HMGB1: variants seen among roughly 807,000 people sequenced by gnomAD.
The protein encoded by HMGB1 is high mobility group protein B1.
For synonymous variants in HMGB1, 81 were observed against 84.0 expected (o/e 0.96, Z 0.19); for missense variants, 79 against 253.5 (o/e 0.31, Z 4.67).
At chr13:30,598,246 T>C (rs939295832) in intron 1 of HMGB1, among the ~76,000 whole-genome samples, 2 of 152,260 alleles carry the variant, frequency 1.3e-5, no homozygotes, top group East Asian at 3.8e-4. Flanking sequence ...AAATAATTAA[T>C]GTACTTTTCA....
At chr13:30,580,450 C>G (rs918824386) in intron 1 of HMGB1, among the ~76,000 whole-genome samples, 1 of 152,184 alleles carries the variant, frequency 6.6e-6, no homozygotes, top group African/African-American at 2.4e-5. Context: ...AGTTAGACAT[C>G]AGCTATGGCT....
At chr13:30,607,143 AATT>A (rs1320414209) in intron 1 of HMGB1, among the ~76,000 whole-genome samples, 9 of 152,118 alleles carry the variant, frequency 5.9e-5, no homozygotes, top group Admixed American at 1.3e-4. Context: ...ACCTTATCCT[AATT>A]ATTACCACTG....
At chr13:30,579,532 T>C (rs1870811496) in intron 1 of HMGB1, among the ~76,000 whole-genome samples, 1 of 152,240 alleles carries the variant, frequency 6.6e-6, no homozygotes, top group Non-Finnish European at 1.5e-5. Flanking sequence ...TTAAATGAGA[T>C]GTGAAAAGTA....
At chr13:30,533,549 G>C (rs1888544318) in intron 1 of HMGB1, among the ~76,000 whole-genome samples, 1 of 151,852 alleles carries the variant, frequency 6.6e-6, no homozygotes, top group Non-Finnish European at 1.5e-5. Context: ...ATTTTTAGTG[G>C]AGACGGGATT....
intron 1 of HMGB1, among the ~76,000 whole-genome samples, chr13:30,566,768 G>C (rs572474525): frequency 1.2e-4 from 18 of 152,192 alleles, no homozygotes; most frequent in Non-Finnish European, 2.1e-4. Context: ...TTTAGATCAT[G>C]TCATTTGCTT....
chr13:30,613,874 A>G (rs949615921), intron 1 of HMGB1, among the ~76,000 whole-genome samples: 1 of 152,138 alleles, frequency 6.6e-6, no homozygotes, highest in Non-Finnish European at 1.5e-5. Context: ...TCATTGCACA[A>G]TGCTCTTTAA....
chr13:30,610,688 T>C (rs1282582049), intron 1 of HMGB1, among the ~76,000 whole-genome samples: 1 of 151,602 alleles, frequency 6.6e-6, no homozygotes, highest in Non-Finnish European at 1.5e-5. Context: ...CTGAGATTAA[T>C]ATATGGCCAA....
At chr13:30,574,838 A>T (rs1008777891) in intron 1 of HMGB1, among the ~76,000 whole-genome samples, 1 of 152,238 alleles carries the variant, frequency 6.6e-6, no homozygotes, top group African/African-American at 2.4e-5. Context: ...CATGCTAACC[A>T]GACTTTTTAA....
intron 1 of HMGB1, among the ~76,000 whole-genome samples, chr13:30,503,205 G>A (rs1019815905): frequency 2.0e-5 from 3 of 151,974 alleles, no homozygotes; most frequent in East Asian, 1.9e-4. Context: ...TTAGCTAGGC[G>A]TGGTGCCACA....
At chr13:30,480,638 G>A (rs1887204691) in intron 1 of HMGB1, among the ~76,000 whole-genome samples, 2 of 152,122 alleles carry the variant, frequency 1.3e-5, no homozygotes, top group African/African-American at 4.8e-5. Context: ...CTCAGAGAAG[G>A]AGAGCCAGGC....
intron 1 of HMGB1, among the ~76,000 whole-genome samples, chr13:30,590,555 G>A (rs527569216): frequency 6.6e-6 from 1 of 152,312 alleles, no homozygotes; most frequent in South Asian, 2.1e-4. Context: ...TACTGCACAT[G>A]CAACTGTAAG....
chr13:30,461,606 A>G, intron 4 of HMGB1, 73 bp from the exon 5 acceptor site: 1 of 1,574,448 alleles, frequency 6.4e-7, no homozygotes, highest in Non-Finnish European at 8.6e-7. Flanking sequence ...ACATGGCAGA[A>G]CTTTATGAAA....
chr13:30,584,474 G>T (rs568493149), intron 1 of HMGB1, among the ~76,000 whole-genome samples: 1 of 152,300 alleles, frequency 6.6e-6, no homozygotes, highest in East Asian at 1.9e-4. Flanking sequence ...GTATGTGCTT[G>T]TTGCCTTTCC....
chr13:30,542,721 C>A, intron 1 of HMGB1: 1 of 221,580 alleles, frequency 4.5e-6, no homozygotes, highest in East Asian at 1.1e-4. Flanking sequence ...AATTCCTCAT[C>A]CGCCTCATCA....
chr13:30,482,591 C>G (rs1887256317), intron 1 of HMGB1, among the ~76,000 whole-genome samples: 1 of 152,150 alleles, frequency 6.6e-6, no homozygotes. Context: ...CCAAACCCAT[C>G]TTTCTGGCTC....
At chr13:30,571,739 T>C (rs768461511) in intron 1 of HMGB1, among the ~76,000 whole-genome samples, 8 of 152,156 alleles carry the variant, frequency 5.3e-5, no homozygotes, top group Non-Finnish European at 8.8e-5. Flanking sequence ...AAACTAAGAT[T>C]ACCTAAGCAG....
At chr13:30,466,991 G>A (rs1886806702), upstream of HMGB1, among the ~76,000 whole-genome samples, 1 of 152,224 alleles carries the variant, frequency 6.6e-6, no homozygotes. Context: ...GTTACCCGAA[G>A]GATTAGATGC....
chr13:30,577,068 C>A (rs550134388), intron 1 of HMGB1, among the ~76,000 whole-genome samples: 31 of 152,166 alleles, frequency 2.0e-4, no homozygotes, highest in African/African-American at 6.7e-4. Flanking sequence ...TAGAGCTGGG[C>A]ACAGGGGCTC....
At chr13:30,507,159 A>G (rs951323810) in intron 1 of HMGB1, among the ~76,000 whole-genome samples, 1 of 152,164 alleles carries the variant, frequency 6.6e-6, no homozygotes, top group African/African-American at 2.4e-5. Flanking sequence ...GTCTTCCACT[A>G]TAGCTCAAAT....
Sources: gnomAD v4.1 joint callset for allele counts (sites outside exome capture counted in the v4.1 genomes callset) on GRCh38, gnomAD v4.1.1 for gene constraint, MANE v1.5 for transcripts, NCBI Gene and HGNC (gene_info 2026-07-23, HGNC 2026-07-21) for gene names.